Variants in PLA2G4D observed in about 807,000 individuals in gnomAD.
The protein encoded by PLA2G4D is cytosolic phospholipase A2 delta.
In PLA2G4D, 80 loss-of-function variants were observed where a neutral mutation model predicts 94.4. The observed-to-expected ratio is 0.85, with a 90% CI of 0.71 to 1.02. PLA2G4D has a LOEUF of 1.02. Among genes scored for constraint, PLA2G4D ranks in the 50% least tolerant of loss-of-function variants. The pLI is 0.00. For missense variants in PLA2G4D, 1,050 were observed against 1,034.7 expected (o/e 1.01, Z -0.20); for synonymous variants, 438 against 440.9 (o/e 0.99, Z 0.08).
At position 42,068,906 on chromosome 15, in the gene PLA2G4D, G is replaced by A. The variant is rs1056291109; in HGVS notation, c.2266C>T (p.Gln756Ter). ...QRSPAELQGG[Q>*]VDLTGATCPY... Reference sequence around the variant, plus strand: ...CAGGTGGCCCCGGTGAGATCCACTTGGCCACCCTGGAGCTCTGCGGGGCTG... The same window carrying A: ...CAGGTGGCCCCGGTGAGATCCACTTAGCCACCCTGGAGCTCTGCGGGGCTG... The change falls in exon 20 of 20, where the codon CAA becomes TAA. Residue 756 changes from glutamine (Q) to a stop codon, truncating the protein, a stop_gained. Transcript: ENST00000290472. LOFTEE classifies it low-confidence loss of function (END_TRUNC). 3.1e-6 allele frequency: 5 copies of A among 1,612,566 alleles called. No homozygotes were observed. The highest frequency in any genetic ancestry group is 4.2e-6 in the Non-Finnish European group (5 of 1,179,868).
At position 42,081,267 on chromosome 15, in the gene PLA2G4D, A is replaced by G. The variant is rs2141098576; in HGVS notation, c.958-134T>C. 4 of 1,450,038 alleles carry G rather than the reference A, an allele frequency of 2.8e-6. No individual in the cohort carries two copies. The East Asian group carries it at 9.3e-5, about 34-fold the overall frequency. 89.8% of individuals were successfully genotyped at this position (1,450,038 alleles called of 1,614,324 possible). On this transcript the variant is annotated intron_variant, in intron 11 of 19. Coordinates refer to ENST00000290472, the MANE Select transcript of PLA2G4D (RefSeq NM_178034.4). ...TGGGTCCTGATAGAGTCAGGGTTAG[A>G]GCTGGGTCCAGCCCTCCTCTGGAAG...
At chr15:42,085,388 G>A in intron 5 of PLA2G4D, 103 bp downstream of exon 5, 1 of 1,348,450 alleles carries the variant, frequency 7.4e-7, no homozygotes, top group Non-Finnish European at 1.1e-6. Context: ...GGTAGGAGAT[G>A]AGGGACAGTC....
rs80280961 is a variant in PLA2G4D at position 42,093,232 on chromosome 15, T to C, written c.45+1183A>G. The stretch of plus-strand genomic sequence containing the variant: ...AGCTTGAGGACCTGGTCCTGGGGAC[T>C]CAGTCCTGTGAATGCCAGCTGGAGG... On this transcript the variant is annotated intron_variant, in intron 1 of 19. Transcript: ENST00000290472. Among the ~76,000 whole-genome samples the C allele has an allele frequency of 2.0e-3, 305 of 152,298 alleles. 3 individuals carry two copies. In the East Asian group the frequency reaches 0.045, roughly 22 times the overall value.
rs759346619 is a variant in PLA2G4D, at chr15:42,083,752, G to A, written c.499C>T (p.His167Tyr). The change falls in exon 7 of 20, where the codon CAT becomes TAT. Residue 167 changes from histidine (H) to tyrosine (Y), a missense_variant. Transcript: ENST00000290472. ...VARELSCLDV[H>Y]LDSTGSTAVV... ...GCGGTGCTCCCTGTGCTGTCCAGAT[G>A]CACATCCAGGCATGACAGCTCTCGG... is the stretch of plus-strand genomic sequence containing the variant. The A allele has an allele frequency of 5.6e-6, 9 of 1,613,942 alleles. No homozygotes were observed. Among genetic ancestry groups the A allele is most frequent in the Non-Finnish European group, 6.8e-6 (8 of 1,179,990 alleles).
intron 11 of PLA2G4D, 102 bp from the exon 12 acceptor site, chr15:42,081,235 G>T (rs545300051): frequency 1.3e-6 from 2 of 1,507,566 alleles, no homozygotes; most frequent in Non-Finnish European, 8.9e-7. Context: ...GGAAGGGACC[G>T]CATAGTTGGG....
Position 42,083,363 on chromosome 15 carries a change from A to T in PLA2G4D, c.536-29T>A, listed in dbSNP as rs372722505. On this transcript the variant is annotated intron_variant, in intron 7 of 19. Coordinates refer to ENST00000290472, the MANE Select transcript of PLA2G4D (RefSeq NM_178034.4). ...GGGAGAGAGTAGGCGGGTTAGCATG[A>T]GAACAAGAGCCCGGAACCCCAGCTC... The T allele has an allele frequency of 3.8e-6, 6 of 1,598,402 alleles. No individual in the cohort carries two copies. In the East Asian group the frequency reaches 1.1e-4, roughly 30 times the overall value.
chr15:42,072,159 C>A, intron 14 of PLA2G4D, 116 bp downstream of exon 14: 1 of 1,085,062 alleles, frequency 9.2e-7, no homozygotes. Flanking sequence ...CACCACTGCC[C>A]TTCCGGAACA....
At position 42,091,261 on chromosome 15, in the gene PLA2G4D, C is replaced by T. The variant is rs563540137; in HGVS notation, c.45+3154G>A. Reference sequence around the variant, plus strand: ...TTATACCAGATATAGATCTTAGATACGATTATATATGAATATCATTAATCA... The same window carrying T: ...TTATACCAGATATAGATCTTAGATATGATTATATATGAATATCATTAATCA... On this transcript the variant is annotated intron_variant, in intron 1 of 19. Coordinates refer to ENST00000290472, the MANE Select transcript of PLA2G4D (RefSeq NM_178034.4). 1.8e-3 allele frequency among the ~76,000 whole-genome samples: 268 copies of T among 152,274 alleles called. 1 individual carries two copies. Among genetic ancestry groups the T allele is most frequent in the African/African-American group, 5.8e-3 (240 of 41,544 alleles).
Position 42,081,152 on chromosome 15 carries a change from G to A in PLA2G4D, c.958-19C>T, listed in dbSNP as rs1173710219. ...CGGGTACCTGGACCACACACAGACA[G>A]GCTGGATTAACAAGGAAAGGGGCCA... On this transcript the variant is annotated intron_variant, in intron 11 of 19. Coordinates refer to ENST00000290472, the MANE Select transcript of PLA2G4D (RefSeq NM_178034.4). 3 of 1,609,362 alleles carry A rather than the reference G, an allele frequency of 1.9e-6. No individual in the cohort carries two copies. In the South Asian group the frequency reaches 3.3e-5, roughly 18 times the overall value.
intron 13 of PLA2G4D, 62 bp from the exon 14 acceptor site, chr15:42,072,454 G>A (rs1668587): frequency 0.79 from 1,077,618 of 1,363,764 alleles, 426,485 homozygotes; most frequent in East Asian, 0.88. Flanking sequence ...CAGTGGCTCC[G>A]CCAGGACAGG....
At chr15:42,071,421 C>T (rs1282549371) in intron 16 of PLA2G4D, 23 bp downstream of exon 16, 1 of 1,598,276 alleles carries the variant, frequency 6.3e-7, no homozygotes, top group African/African-American at 1.3e-5. Context: ...TCCCAGGCCC[C>T]TCAGTGCCCC....
chr15:42,082,306 C>A lies in PLA2G4D; in HGVS notation c.756G>T (p.Glu252Asp), dbSNP rs758388698. The change falls in exon 9 of 20, where the codon GAG (glutamate) becomes GAT (aspartate). Residue 252 changes from glutamate (E) to aspartate (D), a missense_variant. Physicochemically the swap from Glu to Asp is conservative, Grantham distance 45 (BLOSUM62 2). Transcript: ENST00000290472. ...TTGGAGCAGGAACATCCATAGTCAC[C>A]TCCTTCCCAATGGTCAAGGGCCTCA... is the stretch of plus-strand genomic sequence containing the variant. ...VPLRPLTIGKEVTMDVPAPNA... is the reference protein window; with the variant it reads ...VPLRPLTIGKDVTMDVPAPNA... 1 of 1,614,132 alleles carries A rather than the reference C, an allele frequency of 6.2e-7. No individual in the cohort carries two copies. The highest frequency in any genetic ancestry group is 8.5e-7 in the Non-Finnish European group (1 of 1,179,980).
intron 8 of PLA2G4D, 43 bp from the exon 9 acceptor site, chr15:42,082,432 C>A (rs770607546): frequency 2.2e-6 from 3 of 1,364,018 alleles, no homozygotes; most frequent in East Asian, 4.6e-5. Flanking sequence ...ATTCATTCAA[C>A]AAATCCCTAC....
In PLA2G4D at chr15:42,068,691, G is replaced by T; in HGVS notation, c.*24C>A. The T allele has an allele frequency of 6.3e-7, 1 of 1,576,630 alleles. No homozygotes were observed. The highest frequency in any genetic ancestry group is 1.1e-5 in the South Asian group (1 of 87,160). The stretch of plus-strand genomic sequence containing the variant: ...TCAGGTTATGCCCGCAGGCCCTGGA[G>T]GGTCCTGCAGCCTCTGAGCAACCTC... On this transcript the variant is annotated 3_prime_UTR_variant, in exon 20 of 20. Transcript: ENST00000290472.
At position 42,084,544 on chromosome 15, in the gene PLA2G4D, C is replaced by G. The variant is rs1890102922; in HGVS notation, c.471+552G>C. On this transcript the variant is annotated intron_variant, in intron 6 of 19. Coordinates refer to ENST00000290472, the MANE Select transcript of PLA2G4D (RefSeq NM_178034.4). This position sits in a 1 kb window ranked among gnomAD's most constrained non-coding sequence, Gnocchi z 4.8. Reference sequence around the variant, plus strand: ...GGTCTGGGTCACTGTGATAATCGAGCGCGTCGCCCGCTCGCCACCTTGCGG... The same window carrying G: ...GGTCTGGGTCACTGTGATAATCGAGGGCGTCGCCCGCTCGCCACCTTGCGG... 6.6e-6 allele frequency among the ~76,000 whole-genome samples: 1 copy of G among 152,158 alleles called. No homozygotes were observed.
At chr15:42,080,572 G>T (rs550634521) in intron 12 of PLA2G4D, among the ~76,000 whole-genome samples, 1 of 152,196 alleles carries the variant, frequency 6.6e-6, no homozygotes, top group Admixed American at 6.5e-5. Flanking sequence ...TACCAATTAG[G>T]AATTCCTGGC....
chr15:42,083,376 G>C (rs764263207), intron 7 of PLA2G4D, 42 bp from the exon 8 acceptor site: 2 of 1,585,540 alleles, frequency 1.3e-6, no homozygotes, highest in South Asian at 1.1e-5. Flanking sequence ...ACAAGAGCCC[G>C]GAACCCCAGC....
rs762070146 is a variant in PLA2G4D at position 42,084,549 on chromosome 15, C to T, written c.471+547G>A. On this transcript the variant is annotated intron_variant, in intron 6 of 19. Coordinates refer to ENST00000290472, the MANE Select transcript of PLA2G4D (RefSeq NM_178034.4). The surrounding 1 kb of genome is among the most constrained non-coding windows in gnomAD (Gnocchi z 4.8). ...GGGTCACTGTGATAATCGAGCGCGTCGCCCGCTCGCCACCTTGCGGCCATT... is the reference window on the plus strand; with the variant it reads ...GGGTCACTGTGATAATCGAGCGCGTTGCCCGCTCGCCACCTTGCGGCCATT... 2.6e-5 allele frequency among the ~76,000 whole-genome samples: 4 copies of T among 152,158 alleles called. No individual in the cohort carries two copies. Among genetic ancestry groups the T allele is most frequent in the Non-Finnish European group, 4.4e-5 (3 of 68,038 alleles).
intron 9 of PLA2G4D, 126 bp from the exon 10 acceptor site, chr15:42,081,960 TC>T: frequency 1.7e-6 from 2 of 1,172,828 alleles, no homozygotes; most frequent in Non-Finnish European, 2.4e-6. Flanking sequence ...AGACAGAGTT[TC>T]ACTCTTGTTG....
Sources: gnomAD v4.1 joint callset for allele counts (sites outside exome capture counted in the v4.1 genomes callset) on GRCh38, gnomAD v4.1.1 for gene constraint, Gnocchi (gnomAD v3.1) non-coding constraint, MANE v1.5 for transcripts, NCBI Gene and HGNC (gene_info 2026-07-23, HGNC 2026-07-21) for gene names.